CFAP263: variants seen among roughly 807,000 people sequenced by gnomAD.
CFAP263 encodes cilia and flagella associated protein 263.
At chr16:58,254,081 A>G in the CFAP263 span, 5 of 1,614,106 alleles carry the variant, frequency 3.1e-6, no homozygotes, top group Non-Finnish European at 4.2e-6. Flanking sequence ...TTGAGCTGGT[A>G]CAAAAAGAGG....
chr16:58,252,809 C>T, the CFAP263 span: 25 of 1,613,838 alleles, frequency 1.5e-5, no homozygotes, highest in Admixed American at 1.7e-5. Flanking sequence ...TCAGCGACCT[C>T]CACGATTATC....
the CFAP263 span, among the ~76,000 whole-genome samples, chr16:58,268,369 A>G: frequency 0.58 from 88,872 of 152,116 alleles, 27,039 homozygotes; most frequent in African/African-American, 0.75. Flanking sequence ...TGCTGGACTC[A>G]TGACCAGAAG....
chr16:58,258,290 G>A, the CFAP263 span: 1 of 1,345,818 alleles, frequency 7.4e-7, no homozygotes, highest in Non-Finnish European at 1.0e-6. Context: ...AAGAGGCCTG[G>A]GAACTTAGGT....
the CFAP263 span, among the ~76,000 whole-genome samples, chr16:58,267,950 A>G: frequency 2.0e-5 from 3 of 152,088 alleles, no homozygotes; most frequent in South Asian, 6.2e-4. Flanking sequence ...GATAGGAAAA[A>G]AAGTGCATAT....
chr16:58,281,220 A>T, the CFAP263 span: 1 of 165,484 alleles, frequency 6.0e-6, no homozygotes, highest in East Asian at 1.6e-4. Flanking sequence ...CCTACTCCCA[A>T]TGGAGCAGTC....
At chr16:58,276,436 A>G in the CFAP263 span, among the ~76,000 whole-genome samples, 1 of 152,240 alleles carries the variant, frequency 6.6e-6, no homozygotes, top group African/African-American at 2.4e-5. Context: ...CCCTAAACAC[A>G]TTACTGACAT....
At chr16:58,275,657 A>G in the CFAP263 span, among the ~76,000 whole-genome samples, 11 of 152,254 alleles carry the variant, frequency 7.2e-5, no homozygotes, top group African/African-American at 1.4e-4. Context: ...TACAGATCAC[A>G]TAAGTATACA....
the CFAP263 span, among the ~76,000 whole-genome samples, chr16:58,269,322 C>T: frequency 1.4e-5 from 2 of 145,210 alleles, no homozygotes; most frequent in Non-Finnish European, 3.0e-5. Flanking sequence ...CAGAGGGAGA[C>T]TCTGTCTCAA....
chr16:58,262,757 TGATAGGTAGATA>T, the CFAP263 span, among the ~76,000 whole-genome samples: 8 of 38,914 alleles, frequency 2.1e-4, no homozygotes, highest in African/African-American at 1.0e-3. Flanking sequence ...TATAGATAGA[TGATAGGTAGATA>T]GATAGATAGA....
chr16:58,278,600 G>GC, the CFAP263 span: 9 of 1,614,210 alleles, frequency 5.6e-6, no homozygotes, highest in South Asian at 8.8e-5. Flanking sequence ...CTGGAGAAGA[G>GC]CATCAGGATG....
At chr16:58,271,826 T>C in the CFAP263 span, among the ~76,000 whole-genome samples, 2 of 152,318 alleles carry the variant, frequency 1.3e-5, no homozygotes, top group South Asian at 4.1e-4. Flanking sequence ...ATTTCTTCAC[T>C]GTGAAGTTAC....
the CFAP263 span, among the ~76,000 whole-genome samples, chr16:58,262,776 T>TAGAC: frequency 2.0e-5 from 3 of 148,276 alleles, no homozygotes; most frequent in Non-Finnish European, 4.5e-5. Flanking sequence ...GATAGATAGA[T>TAGAC]AGATAGATAG....
the CFAP263 span, chr16:58,254,083 A>T: frequency 6.2e-7 from 1 of 1,614,244 alleles, no homozygotes; most frequent in Non-Finnish European, 8.5e-7. Flanking sequence ...GAGCTGGTAC[A>T]AAAAGAGGTT....
the CFAP263 span, chr16:58,281,773 G>C: frequency 1.3e-5 from 2 of 152,576 alleles, no homozygotes; most frequent in Admixed American, 1.3e-4. Flanking sequence ...ACCACGAGCA[G>C]CAGAAAGGCA....
chr16:58,277,198 G>A, the CFAP263 span, among the ~76,000 whole-genome samples: 1 of 151,452 alleles, frequency 6.6e-6, no homozygotes, highest in African/African-American at 2.4e-5. Flanking sequence ...TCGTGATCTC[G>A]GCTTACTGCA....
At chr16:58,268,969 G>C in the CFAP263 span, among the ~76,000 whole-genome samples, 33 of 152,234 alleles carry the variant, frequency 2.2e-4, no homozygotes, top group Non-Finnish European at 4.0e-4. Flanking sequence ...TCACAGAGTT[G>C]TGTAACCATC....
the CFAP263 span, among the ~76,000 whole-genome samples, chr16:58,266,222 C>G: frequency 5.3e-3 from 811 of 151,716 alleles, 5 homozygotes; most frequent in African/African-American, 0.019. Flanking sequence ...GCCCCCTCCT[C>G]CTGCCTTCAC....
chr16:58,278,722 C>A, the CFAP263 span: 8 of 1,267,334 alleles, frequency 6.3e-6, no homozygotes, highest in South Asian at 6.5e-5. Flanking sequence ...GGTAAGAATA[C>A]AGATGTTTGG....
the CFAP263 span, among the ~76,000 whole-genome samples, chr16:58,267,760 A>G: frequency 8.5e-5 from 13 of 152,204 alleles, no homozygotes; most frequent in East Asian, 2.5e-3. Flanking sequence ...CTGGAGACCT[A>G]CAGTCCAGGT....
Sources: allele counts gnomAD v4.1 joint callset (sites outside exome capture counted in the v4.1 genomes callset), GRCh38; gene constraint gnomAD v4.1.1; transcripts MANE v1.5; gene names NCBI Gene and HGNC (gene_info 2026-07-23, HGNC 2026-07-21).